Variants in NSMAF observed in about 807,000 individuals in gnomAD.
The protein encoded by NSMAF is neutral sphingomyelinase activation associated factor, also known as protein FAN.
A neutral mutation model predicts 134.9 loss-of-function variants in NSMAF; 90 were observed. The ratio of observed to expected loss-of-function variants is 0.67; its 90% CI spans 0.56 to 0.79. NSMAF has a LOEUF of 0.79. Among genes scored for constraint, NSMAF ranks in the 30% least tolerant of loss-of-function variants. The pLI, the probability that NSMAF is intolerant of heterozygous loss-of-function variation, is 0.00. For synonymous variants in NSMAF, 358 were observed against 389.6 expected (o/e 0.92, Z 0.96); for missense variants, 1,010 against 1,119.0 (o/e 0.90, Z 1.39).
At chr8:58,605,379 T>C (rs1166518687) in intron 12 of NSMAF, among the ~76,000 whole-genome samples, 2 of 152,324 alleles carry the variant, frequency 1.3e-5, no homozygotes, top group Admixed American at 1.3e-4. Flanking sequence ...AACTGAGTCT[T>C]GGTTCTCATA....
At chr8:58,599,511 G>T in intron 18 of NSMAF, 148 bp from the exon 19 acceptor site, 3 of 1,048,382 alleles carry the variant, frequency 2.9e-6, no homozygotes, top group East Asian at 2.6e-5. Context: ...CATATGAAAT[G>T]TAAGTTTTTT....
intron 6 of NSMAF, 88 bp from the exon 7 acceptor site, chr8:58,623,868 T>C (rs1183260394): frequency 3.9e-6 from 4 of 1,029,646 alleles, no homozygotes; most frequent in Middle Eastern, 2.1e-4. Flanking sequence ...CAGAACCTGC[T>C]ATGATAAAAT....
chr8:58,598,058 A>C (rs1806179305), intron 19 of NSMAF, among the ~76,000 whole-genome samples, 156 bp from the exon 20 acceptor site: 1 of 152,238 alleles, frequency 6.6e-6, no homozygotes, highest in African/African-American at 2.4e-5. Flanking sequence ...AGTAAATACC[A>C]ACTTGAATAT....
intron 1 of NSMAF, 115 bp from the exon 2 acceptor site, chr8:58,643,188 T>C: frequency 1.3e-6 from 1 of 760,302 alleles, no homozygotes. Context: ...TTAACAAACA[T>C]TTATGAAGCA....
At chr8:58,648,216 G>A (rs1807506186) in intron 1 of NSMAF, among the ~76,000 whole-genome samples, 1 of 152,300 alleles carries the variant, frequency 6.6e-6, no homozygotes, top group South Asian at 2.1e-4. Context: ...AAGGACTTAG[G>A]TAGGGTATGT....
chr8:58,590,153 T>A (rs1322809004), intron 24 of NSMAF, 79 bp from the exon 25 acceptor site: 2 of 1,249,000 alleles, frequency 1.6e-6, no homozygotes, highest in Non-Finnish European at 1.2e-6. Flanking sequence ...CTTATACATT[T>A]CCGAAAAATT....
chr8:58,603,280 G>A lies in NSMAF; in HGVS notation c.975C>T (p.Arg325=). ...GGTACTGGGAGAGGTCGTTGCAGCT[G>A]CGGTCGGCCAGGTTGTTGAGGTGAA... is the stretch of plus-strand genomic sequence containing the variant. ...YLLHLNNLAD[R]SCNDLSQYPV... Residue 325 remains arginine, a synonymous_variant, in exon 13 of 31, where the codon CGC becomes CGT. Transcript: ENST00000038176. The A allele has an allele frequency of 6.2e-7, 1 of 1,614,218 alleles. No homozygotes were observed. The highest frequency in any genetic ancestry group is 1.1e-5 in the South Asian group (1 of 91,092).
intron 2 of NSMAF, among the ~76,000 whole-genome samples, chr8:58,638,579 G>GA (rs889308634): frequency 1.0e-4 from 15 of 147,386 alleles, no homozygotes; most frequent in East Asian, 2.0e-4. Context: ...TATCCCCGTG[G>GA]AAAAAAAAAA....
At position 58,587,709 on chromosome 8, in the gene NSMAF, G is replaced by T; in HGVS notation, c.2212-8C>A. Reference sequence around the variant, plus strand: ...AGGAACACCAGACCACACCTAGGATGGAACATATTGCAGAAGGTATTTTCA... The same window carrying T: ...AGGAACACCAGACCACACCTAGGATTGAACATATTGCAGAAGGTATTTTCA... On this transcript the variant is annotated splice_polypyrimidine_tract_variant and splice_region_variant and intron_variant, in intron 26 of 30. Coordinates refer to ENST00000038176, the MANE Select transcript of NSMAF (RefSeq NM_003580.4). The T allele has an allele frequency of 6.2e-7, 1 of 1,610,522 alleles. No homozygotes were observed. Among genetic ancestry groups the T allele is most frequent in the South Asian group, 1.1e-5 (1 of 90,596 alleles).
rs1807825130 is a variant in NSMAF at position 58,659,842 on chromosome 8, C to T, written c.-211G>A. 2 of 276,382 alleles carry T rather than the reference C, an allele frequency of 7.2e-6. No individual in the cohort carries two copies. The highest frequency in any genetic ancestry group is 6.7e-6 in the Non-Finnish European group (1 of 149,820). The allele number at this position is 276,382 out of a possible 1,614,324, so 17.1% of individuals were successfully genotyped here. The stretch of plus-strand genomic sequence containing the variant: ...CCGCAGCATCCTCGCGTGGGGACTC[C>T]GGCGGCACCGTGACTCAGGCCCGGA... On this transcript the variant is annotated 5_prime_UTR_variant, in exon 1 of 31. Coordinates refer to ENST00000038176, the MANE Select transcript of NSMAF (RefSeq NM_003580.4).
chr8:58,595,010 G>A (rs1180563646), intron 22 of NSMAF: 1 of 155,112 alleles, frequency 6.4e-6, no homozygotes, highest in Non-Finnish European at 1.4e-5. Flanking sequence ...AGTGCTTCTC[G>A]AGCCTTTCTA....
intron 9 of NSMAF, among the ~76,000 whole-genome samples, chr8:58,622,081 C>T (rs1236153439): frequency 6.6e-6 from 1 of 152,070 alleles, no homozygotes; most frequent in African/African-American, 2.4e-5. Context: ...AGGTTTTCTT[C>T]AACAGTTTTT....
At chr8:58,623,300 ATTT>A (rs1806833293) in intron 8 of NSMAF, 28 bp from the exon 9 acceptor site, 1 of 1,596,126 alleles carries the variant, frequency 6.3e-7, no homozygotes, top group Non-Finnish European at 8.6e-7. Flanking sequence ...GAAAAAAAGT[ATTT>A]ATAAGTATTT....
At chr8:58,591,659 G>A (rs1806026608) in intron 23 of NSMAF, among the ~76,000 whole-genome samples, 1 of 151,736 alleles carries the variant, frequency 6.6e-6, no homozygotes, top group South Asian at 2.1e-4. Context: ...GCTAAGTTTT[G>A]TATTTTTAGT....
intron 6 of NSMAF, 78 bp downstream of exon 6, chr8:58,631,418 A>G: frequency 2.6e-6 from 2 of 766,468 alleles, no homozygotes; most frequent in Non-Finnish European, 4.2e-6. Context: ...TTGATTAAAG[A>G]TGTTAATAGA....
intron 13 of NSMAF, 68 bp downstream of exon 13, chr8:58,603,142 T>C (rs1001241434): frequency 1.4e-6 from 2 of 1,406,196 alleles, no homozygotes; most frequent in Admixed American, 1.8e-5. Context: ...ATTTATTCTG[T>C]CCTTTAAAAA....
intron 1 of NSMAF, among the ~76,000 whole-genome samples, chr8:58,652,252 T>C (rs941042474): frequency 9.9e-5 from 15 of 152,108 alleles, no homozygotes; most frequent in African/African-American, 3.4e-4. Context: ...AAAGAACAAT[T>C]AGACTTAACA....
At chr8:58,635,569 T>C (rs373797269) in intron 2 of NSMAF, 23 bp from the exon 3 acceptor site, 78 of 1,431,032 alleles carry the variant, frequency 5.5e-5, no homozygotes, top group Non-Finnish European at 6.7e-5. Flanking sequence ...GTACAACAGA[T>C]TGTTTGATGA....
At position 58,586,641 on chromosome 8, in the gene NSMAF, T is replaced by C. The variant is rs371173698; in HGVS notation, c.2296-33A>G. ...AGAAAACACATTGATACATATTCCA[T>C]TAGATTTATGGTCATTAGCTATGTT... On this transcript the variant is annotated intron_variant, in intron 27 of 30. Transcript: ENST00000038176. 1.9e-6 allele frequency: 3 copies of C among 1,554,752 alleles called. No individual in the cohort carries two copies. In the African/African-American group the frequency reaches 4.1e-5, roughly 21 times the overall value.
Sources: allele counts gnomAD v4.1 joint callset (sites outside exome capture counted in the v4.1 genomes callset), GRCh38; gene constraint gnomAD v4.1.1; transcripts MANE v1.5; gene names NCBI Gene and HGNC (gene_info 2026-07-23, HGNC 2026-07-21).